Variants in GAB2 observed in about 807,000 individuals in gnomAD.
GAB2 encodes the protein GRB2 associated binding protein 2.
GAB2 carries 26 observed loss-of-function variants against 65.5 expected under a neutral mutation model. That is an observed-to-expected ratio of 0.40 (90% confidence interval 0.29 to 0.55). The LOEUF is 0.55. GAB2 is among the 20% of genes least tolerant of loss of function. The pLI is 0.53. For missense variants in GAB2, 884 were observed against 875.8 expected, an observed-to-expected ratio of 1.01 and a Z score of -0.12; for synonymous variants, 321 against 329.6, an observed-to-expected ratio of 0.97 and a Z score of 0.28.
At chr11:78,301,443 C>G (rs1389063563) in intron 1 of GAB2, among the ~76,000 whole-genome samples, 2 of 151,738 alleles carry the variant, frequency 1.3e-5, no homozygotes, top group Non-Finnish European at 2.9e-5. Context: ...GATTCTCCCA[C>G]TTCAGCCTCC....
intron 2 of GAB2, among the ~76,000 whole-genome samples, chr11:78,262,510 G>A (rs773402896): frequency 1.2e-4 from 19 of 152,154 alleles, no homozygotes; most frequent in Admixed American, 6.5e-4. Context: ...AGGATCTGTC[G>A]CAGAGGGTAC....
intron 1 of GAB2, among the ~76,000 whole-genome samples, chr11:78,281,709 G>A (rs968068433): frequency 6.6e-6 from 1 of 152,218 alleles, no homozygotes; most frequent in Non-Finnish European, 1.5e-5. Flanking sequence ...TATGTAAACA[G>A]GGTCTTATCA....
intron 1 of GAB2, among the ~76,000 whole-genome samples, chr11:78,308,062 T>C (rs1043080741): frequency 6.6e-6 from 1 of 152,176 alleles, no homozygotes; most frequent in Admixed American, 6.5e-5. Context: ...TTGGACATTA[T>C]TGGAACTCCA....
intron 1 of GAB2, among the ~76,000 whole-genome samples, chr11:78,307,603 T>TGAGAGAGAGAGAGAGAGA (rs1855391664): frequency 3.6e-5 from 3 of 83,318 alleles, no homozygotes; most frequent in African/African-American, 6.9e-5. Context: ...ACAAAAAATG[T>TGAGAGAGAGAGAGAGAGA]TAGAGAGAGA....
intron 3 of GAB2, among the ~76,000 whole-genome samples, chr11:78,247,406 C>A (rs962112069): frequency 6.6e-6 from 1 of 152,122 alleles, no homozygotes; most frequent in Non-Finnish European, 1.5e-5. Context: ...CCTATTATAT[C>A]CTTTACCCAC....
chr11:78,376,175 T>C (rs575981261), intron 1 of GAB2, among the ~76,000 whole-genome samples: 1 of 152,354 alleles, frequency 6.6e-6, no homozygotes, highest in African/African-American at 2.4e-5. Flanking sequence ...ATTTTTGCCT[T>C]AGATTGTAGT....
intron 1 of GAB2, among the ~76,000 whole-genome samples, chr11:78,344,939 A>C (rs1856155956): frequency 6.6e-6 from 1 of 152,208 alleles, no homozygotes; most frequent in Non-Finnish European, 1.5e-5. Context: ...ATTATCCTCA[A>C]ATTTTATAAT....
intron 1 of GAB2, among the ~76,000 whole-genome samples, chr11:78,357,301 CA>C (rs1274064390): frequency 6.6e-6 from 1 of 152,082 alleles, no homozygotes; most frequent in Non-Finnish European, 1.5e-5. Context: ...GTGGGCAATA[CA>C]TCTACAGCAC....
At chr11:78,378,960 A>C (rs1856665631) in intron 1 of GAB2, among the ~76,000 whole-genome samples, 1 of 152,242 alleles carries the variant, frequency 6.6e-6, no homozygotes, top group African/African-American at 2.4e-5. Context: ...CCTGAAGCTT[A>C]GGATAGATGG....
chr11:78,384,595 G>A (rs1176401030), intron 1 of GAB2, among the ~76,000 whole-genome samples: 1 of 152,208 alleles, frequency 6.6e-6, no homozygotes, highest in African/African-American at 2.4e-5. Context: ...CTTGCAGAGA[G>A]AACCTGGTGG....
chr11:78,278,516 G>T (rs1358004927), intron 2 of GAB2, among the ~76,000 whole-genome samples: 1 of 151,714 alleles, frequency 6.6e-6, no homozygotes. Flanking sequence ...GAGTAGCTGG[G>T]AATACAGGTG....
At chr11:78,334,765 TACTC>T (rs1436728087) in intron 1 of GAB2, among the ~76,000 whole-genome samples, 1 of 152,226 alleles carries the variant, frequency 6.6e-6, no homozygotes, top group Non-Finnish European at 1.5e-5. Flanking sequence ...TTGGGGTAAA[TACTC>T]AGCTGTGGGA....
intron 3 of GAB2, among the ~76,000 whole-genome samples, chr11:78,231,554 C>CG (rs1410676100): frequency 6.6e-6 from 1 of 152,134 alleles, no homozygotes; most frequent in Non-Finnish European, 1.5e-5. Context: ...TTCATCATAT[C>CG]GGCCATGCTG....
rs944823694 is a variant in GAB2, at chr11:78,225,014, A to G, written c.1302+94T>C. ...GGCAGGGTCCTAAGATGGAGACGCC[A>G]TCAATCTTTTGGGGTTGTGCTTTTA... On this transcript the variant is annotated intron_variant, in intron 5 of 9. Transcript: ENST00000361507. 1.2e-5 allele frequency: 9 copies of G among 764,904 alleles called. No homozygotes were observed. The Admixed American group carries it at 1.5e-4, about 13-fold the overall frequency. The allele number at this position is 764,904 out of a possible 1,614,324, so 47.4% of individuals were successfully genotyped here.
At chr11:78,307,635 A>AGAGAGAGAGAGAGAGAGAGAGAGAGAGG (rs1591022770) in intron 1 of GAB2, among the ~76,000 whole-genome samples, 1 of 150,442 alleles carries the variant, frequency 6.6e-6, no homozygotes, top group African/African-American at 2.4e-5. Flanking sequence ...AGAGAGAGAG[A>AGAGAGAGAGAGAGAGAGAGAGAGAGAGG]TGTTGAGTCA....
chr11:78,353,333 C>T lies in GAB2; in HGVS notation c.75+64313G>A, dbSNP rs182042828. On this transcript the variant is annotated intron_variant, in intron 1 of 9. Transcript: ENST00000361507. ...GTGTGTACCTGTAATCCCAGCTACTCGGGAGGCTGAGGCAGGAGAATCACT... is the reference window on the plus strand; with the variant it reads ...GTGTGTACCTGTAATCCCAGCTACTTGGGAGGCTGAGGCAGGAGAATCACT... Among the ~76,000 whole-genome samples the T allele has an allele frequency of 3.5e-3, 532 of 152,160 alleles. 1 individual carries two copies. Among genetic ancestry groups the T allele is most frequent in the African/African-American group, 0.012 (504 of 41,518 alleles).
intron 1 of GAB2, among the ~76,000 whole-genome samples, chr11:78,312,588 G>A (rs1855523747): frequency 1.3e-5 from 2 of 152,056 alleles, no homozygotes; most frequent in South Asian, 2.1e-4. Context: ...ACCATGCCCC[G>A]CTAATTTTTT....
chr11:78,411,709 A>C (rs1857131059), intron 1 of GAB2, among the ~76,000 whole-genome samples: 1 of 152,164 alleles, frequency 6.6e-6, no homozygotes, highest in South Asian at 2.1e-4. Context: ...TTAAAGGAAA[A>C]ACATAAACCT....
At chr11:78,320,876 T>G (rs545746612) in intron 1 of GAB2, among the ~76,000 whole-genome samples, 1 of 152,236 alleles carries the variant, frequency 6.6e-6, no homozygotes, top group African/African-American at 2.4e-5. Context: ...CAGTCTCAAC[T>G]GGGAGATATT....
Sources: gnomAD v4.1 joint callset for allele counts (sites outside exome capture counted in the v4.1 genomes callset) on GRCh38, gnomAD v4.1.1 for gene constraint, MANE v1.5 for transcripts, NCBI Gene and HGNC (gene_info 2026-07-23, HGNC 2026-07-21) for gene names.